The following NPTN variants were observed in gnomAD, a reference collection of about 807,000 sequenced individuals.
The protein encoded by NPTN is SDR-1.
In NPTN, 5 loss-of-function variants were observed where a neutral mutation model predicts 42.7. That is an observed-to-expected ratio of 0.12 (90% CI 0.06 to 0.25). The LOEUF (loss-of-function observed/expected upper bound fraction) is 0.25. NPTN is among the 10% of genes least tolerant of loss of function. The pLI is 1.00. For synonymous variants in NPTN, 180 were observed against 201.9 expected (o/e 0.89, Z 0.92); for missense variants, 307 against 525.4 (o/e 0.58, Z 4.06).
intron 6 of NPTN, chr15:73,568,473 C>A (rs1895169257): frequency 2.0e-6 from 2 of 985,334 alleles, no homozygotes; most frequent in Middle Eastern, 5.2e-4. Flanking sequence ...ATAACTGATC[C>A]CACAGAGCCA....
At chr15:73,625,278 T>C (rs2141477041) in intron 1 of NPTN, among the ~76,000 whole-genome samples, 1 of 152,330 alleles carries the variant, frequency 6.6e-6, no homozygotes, top group Admixed American at 6.5e-5. Flanking sequence ...TGTAATTTTG[T>C]TATAAATTTC....
intron 1 of NPTN, among the ~76,000 whole-genome samples, chr15:73,624,955 T>C (rs910974608): frequency 1.3e-5 from 2 of 152,232 alleles, no homozygotes; most frequent in African/African-American, 4.8e-5. Flanking sequence ...TCGCTATATA[T>C]AATGGCTAAT....
chr15:73,575,336 C>T (rs969505712), intron 4 of NPTN, among the ~76,000 whole-genome samples: 2 of 151,738 alleles, frequency 1.3e-5, no homozygotes, highest in South Asian at 2.1e-4. Flanking sequence ...AGGCCGGTCT[C>T]GAACTGCTAA....
At chr15:73,589,161 A>C (rs1304592701) in intron 3 of NPTN, among the ~76,000 whole-genome samples, 1 of 151,964 alleles carries the variant, frequency 6.6e-6, no homozygotes, top group Non-Finnish European at 1.5e-5. Context: ...GCGAAACGCT[A>C]TCTCTACAAG....
At chr15:73,614,880 G>A (rs1293535705) in intron 1 of NPTN, among the ~76,000 whole-genome samples, 1 of 152,032 alleles carries the variant, frequency 6.6e-6, no homozygotes, top group East Asian at 1.9e-4. Context: ...TAAAAGACTA[G>A]ACTTTGTTAT....
intron 2 of NPTN, 131 bp from the exon 3 acceptor site, chr15:73,592,268 T>A: frequency 1.5e-6 from 1 of 662,018 alleles, no homozygotes; most frequent in Admixed American, 3.1e-5. Context: ...ATGAGGAATT[T>A]CACTTTACCA....
intron 1 of NPTN, among the ~76,000 whole-genome samples, chr15:73,600,720 C>A (rs1186051714): frequency 1.3e-5 from 2 of 152,082 alleles, no homozygotes; most frequent in Non-Finnish European, 2.9e-5. Context: ...TAATTCCTGG[C>A]CACAAAAAGC....
chr15:73,574,247 A>G (rs1471166615), intron 4 of NPTN, among the ~76,000 whole-genome samples: 1 of 152,228 alleles, frequency 6.6e-6, no homozygotes, highest in Non-Finnish European at 1.5e-5. Flanking sequence ...TAAAACAACT[A>G]CAATCAAGTC....
intron 1 of NPTN, among the ~76,000 whole-genome samples, chr15:73,621,678 G>A (rs1394694243): frequency 1.3e-5 from 2 of 152,098 alleles, no homozygotes; most frequent in Non-Finnish European, 2.9e-5. Context: ...CCAACAAGAT[G>A]ACCTTTTCAG....
intron 6 of NPTN, chr15:73,567,805 G>A (rs1566957764): frequency 8.1e-6 from 8 of 985,300 alleles, no homozygotes; most frequent in African/African-American, 1.7e-5. Context: ...CTGTCAGGAA[G>A]GGAAGGAGAG....
chr15:73,596,304 C>G (rs1896832744), intron 2 of NPTN, among the ~76,000 whole-genome samples: 1 of 152,138 alleles, frequency 6.6e-6, no homozygotes, highest in Admixed American at 6.5e-5. Flanking sequence ...CAGAGAAGCA[C>G]ATGCCACGGT....
At chr15:73,598,974 A>G (rs1347181758) in intron 1 of NPTN, among the ~76,000 whole-genome samples, 1 of 152,216 alleles carries the variant, frequency 6.6e-6, no homozygotes, top group Non-Finnish European at 1.5e-5. Flanking sequence ...CTCCAAATTC[A>G]TACTAGTCTT....
intron 1 of NPTN, among the ~76,000 whole-genome samples, chr15:73,612,629 G>A (rs1401044355): frequency 2.6e-5 from 4 of 152,094 alleles, no homozygotes; most frequent in Non-Finnish European, 4.4e-5. Flanking sequence ...AATTAGCCGG[G>A]CGTGGTGGCC....
intron 5 of NPTN, among the ~76,000 whole-genome samples, chr15:73,572,657 G>GTCTT (rs1333195684): frequency 6.6e-6 from 1 of 152,142 alleles, no homozygotes; most frequent in Non-Finnish European, 1.5e-5. Flanking sequence ...TGTGTTGCAG[G>GTCTT]AATGTACTAA....
At chr15:73,609,850 T>C (rs1408381943) in intron 1 of NPTN, among the ~76,000 whole-genome samples, 1 of 152,182 alleles carries the variant, frequency 6.6e-6, no homozygotes, top group African/African-American at 2.4e-5. Context: ...AATGATCAGA[T>C]TGGGGTAATT....
Position 73,569,449 on chromosome 15 carries a change from C to T in NPTN, c.1114+701G>A. ...CTCTGACCCTAGGCCAGCTTGAGGG[C>T]ACAGCCTCGGGGCATGGACTCCATT... On this transcript the variant is annotated intron_variant, in intron 6 of 8. Transcript: ENST00000345330. The surrounding 1 kb of genome is among the most constrained non-coding windows in gnomAD (Gnocchi z 4.1). The T allele has an allele frequency of 2.0e-6, 2 of 985,436 alleles. No homozygotes were observed. The highest frequency in any genetic ancestry group is 6.1e-5 in the Admixed American group (1 of 16,288). The allele number at this position is 985,436 out of a possible 1,614,324, so 61.0% of individuals were successfully genotyped here.
At chr15:73,591,701 A>T in intron 3 of NPTN, 1 of 284,570 alleles carries the variant, frequency 3.5e-6, no homozygotes, top group Non-Finnish European at 6.6e-6. Context: ...TGTTACCCTG[A>T]ACAAATCACT....
chr15:73,563,248 G>T lies in NPTN; in HGVS notation c.1124C>A (p.Pro375Gln). 1 of 1,605,256 alleles carries T rather than the reference G, an allele frequency of 6.2e-7. No homozygotes were observed. Among genetic ancestry groups the T allele is most frequent in the South Asian group, 1.1e-5 (1 of 90,820 alleles). The change falls in exon 7 of 9, where the codon CCA (proline) becomes CAA (glutamine). Residue 375 changes from proline (P) to glutamine (Q), a missense_variant. Physicochemically the swap from Pro to Gln is moderately conservative, Grantham distance 76 (BLOSUM62 -1). This residue lies in a region of NPTN where 264 missense variants were observed against 491.1 expected (regional missense o/e 0.54). Coordinates refer to ENST00000345330, the MANE Select transcript of NPTN (RefSeq NM_012428.4). ...ATAAAGTACTTACATTGGTCCAGCT[G>T]GTTCATCATCTACATGGTGTTCAGT... The part of the protein sequence containing the change: ...RPDEVPDDDE[P>Q]AGPMKTNSTN...
intron 8 of NPTN, among the ~76,000 whole-genome samples, 192 bp from the exon 9 acceptor site, chr15:73,561,240 A>G (rs1040804535): frequency 6.6e-6 from 1 of 152,180 alleles, no homozygotes; most frequent in Non-Finnish European, 1.5e-5. Context: ...TTGCCCCCAG[A>G]CGTGAGGTAA....
Sources: gnomAD v4.1 joint callset for allele counts (sites outside exome capture counted in the v4.1 genomes callset) on GRCh38, gnomAD v4.1.1 for gene constraint, gnomAD v4.1.1 regional missense constraint, Gnocchi (gnomAD v3.1) non-coding constraint, MANE v1.5 for transcripts, NCBI Gene and HGNC (gene_info 2026-07-23, HGNC 2026-07-21) for gene names.